KCNIP4: variants seen among roughly 807,000 people sequenced by gnomAD.
KCNIP4 encodes the protein potassium voltage-gated channel interacting protein 4, also known as Kv channel-interacting protein 4.
KCNIP4 carries 12 observed loss-of-function variants against 34.0 expected under a neutral mutation model. The observed-to-expected ratio is 0.35, with a 90% CI of 0.23 to 0.57. KCNIP4 has a LOEUF of 0.57. KCNIP4 is among the 20% of genes least tolerant of loss of function. The pLI, the probability that KCNIP4 is intolerant of heterozygous loss-of-function variation, is 0.83. For synonymous variants in KCNIP4, 124 were observed against 102.2 expected (o/e 1.21, Z -1.29); for missense variants, 238 against 311.7 (o/e 0.76, Z 1.78).
chr4:21,386,183 C>T (rs868332404), intron 1 of KCNIP4, among the ~76,000 whole-genome samples: 2 of 152,102 alleles, frequency 1.3e-5, no homozygotes, highest in African/African-American at 2.4e-5. Context: ...TGTATCCTTG[C>T]TCTTTCTTAA....
chr4:20,789,961 G>A (rs1172005092), intron 3 of KCNIP4, among the ~76,000 whole-genome samples: 1 of 152,108 alleles, frequency 6.6e-6, no homozygotes, highest in Non-Finnish European at 1.5e-5. Flanking sequence ...ACACAGTCAT[G>A]TATCACTTAA....
chr4:20,898,255 G>T (rs150673249), intron 1 of KCNIP4, among the ~76,000 whole-genome samples: 30 of 152,078 alleles, frequency 2.0e-4, no homozygotes, highest in African/African-American at 7.0e-4. Context: ...GGGACTTTTT[G>T]GTCTTCGTAA....
Position 21,423,831 on chromosome 4 carries a change from G to A in KCNIP4, c.61+524740C>T, listed in dbSNP as rs531492989. Among the ~76,000 whole-genome samples the A allele has an allele frequency of 2.4e-3, 348 of 147,176 alleles. 1 individual carries two copies. The highest frequency in any genetic ancestry group is 5.0e-3 in the African/African-American group (201 of 39,820). ...GAATTTTTTTTTTTTTTTTTGAGAC[G>A]GAGTCTCGCTCTGTCGCCCAGGCTG... On this transcript the variant is annotated intron_variant, in intron 1 of 8. Coordinates refer to ENST00000382152, the MANE Select transcript of KCNIP4 (RefSeq NM_025221.6).
intron 1 of KCNIP4, among the ~76,000 whole-genome samples, chr4:21,384,656 A>G (rs1317715044): frequency 2.0e-5 from 3 of 152,236 alleles, no homozygotes; most frequent in African/African-American, 7.2e-5. Flanking sequence ...TGAATCAGAA[A>G]GGACAGAATT....
intron 1 of KCNIP4, among the ~76,000 whole-genome samples, chr4:21,091,929 C>T (rs1186710890): frequency 2.6e-5 from 4 of 152,108 alleles, no homozygotes; most frequent in African/African-American, 9.7e-5. Flanking sequence ...GTCCATAAGA[C>T]CATGAAAAAT....
At chr4:20,924,534 C>A (rs1276325587) in intron 1 of KCNIP4, among the ~76,000 whole-genome samples, 2 of 151,984 alleles carry the variant, frequency 1.3e-5, no homozygotes, top group Non-Finnish European at 2.9e-5. Context: ...AACCTATATC[C>A]TACAATCTAG....
chr4:21,011,561 A>G (rs1482838538), intron 1 of KCNIP4, among the ~76,000 whole-genome samples: 1 of 152,222 alleles, frequency 6.6e-6, no homozygotes, highest in East Asian at 1.9e-4. Flanking sequence ...AAATTTATAG[A>G]AAATGTTCAC....
intron 1 of KCNIP4, among the ~76,000 whole-genome samples, chr4:21,044,138 C>A (rs1024315094): frequency 6.6e-6 from 1 of 152,096 alleles, no homozygotes; most frequent in Non-Finnish European, 1.5e-5. Context: ...CTGGAAGGGG[C>A]AGTTTCCAGC....
chr4:20,797,229 T>C (rs1713594627), intron 3 of KCNIP4, among the ~76,000 whole-genome samples: 1 of 152,212 alleles, frequency 6.6e-6, no homozygotes. Context: ...AGTACACAGA[T>C]ATAAGGTCAG....
chr4:21,708,639 G>C (rs572108995), intron 1 of KCNIP4, among the ~76,000 whole-genome samples: 1 of 152,168 alleles, frequency 6.6e-6, no homozygotes, highest in Non-Finnish European at 1.5e-5. Context: ...ATGTGGTCTT[G>C]GTAATGCATT....
At chr4:21,253,183 T>G (rs1273926445) in intron 1 of KCNIP4, among the ~76,000 whole-genome samples, 1 of 152,196 alleles carries the variant, frequency 6.6e-6, no homozygotes, top group Non-Finnish European at 1.5e-5. Flanking sequence ...TCTTTTCTTT[T>G]TACCTGGACA....
In KCNIP4 at chr4:20,749,868, T is replaced by C. The variant is rs892701403; in HGVS notation, c.359-136A>G. ...TAGTTTGTGCTTTCTTCACAACTGC[T>C]TACCCTCTTTCTGTAGAGGACTAGA... On this transcript the variant is annotated intron_variant, in intron 4 of 8. Coordinates refer to ENST00000382152, the MANE Select transcript of KCNIP4 (RefSeq NM_025221.6). 1.6e-5 allele frequency: 9 copies of C among 551,240 alleles called. No individual in the cohort carries two copies. The Admixed American group carries it at 2.7e-4, about 17-fold the overall frequency. 34.1% of individuals were successfully genotyped at this position (551,240 alleles called of 1,614,324 possible).
chr4:21,724,221 C>A (rs899585875), intron 1 of KCNIP4, among the ~76,000 whole-genome samples: 55 of 151,546 alleles, frequency 3.6e-4, no homozygotes, highest in Non-Finnish European at 1.3e-4. Context: ...CCCTGAGAGC[C>A]AATGAGGTAC....
intron 2 of KCNIP4, among the ~76,000 whole-genome samples, chr4:20,857,194 A>G (rs1246499293): frequency 6.6e-6 from 1 of 152,072 alleles, no homozygotes; most frequent in Non-Finnish European, 1.5e-5. Flanking sequence ...CATAACTGAA[A>G]TCATCAGCAA....
At chr4:21,642,866 G>A (rs1746712112) in intron 1 of KCNIP4, among the ~76,000 whole-genome samples, 1 of 152,112 alleles carries the variant, frequency 6.6e-6, no homozygotes, top group Non-Finnish European at 1.5e-5. Context: ...CTGAAATATA[G>A]AAGATCCTTA....
At chr4:20,947,919 T>A (rs1732363188) in intron 1 of KCNIP4, among the ~76,000 whole-genome samples, 1 of 152,196 alleles carries the variant, frequency 6.6e-6, no homozygotes, top group Non-Finnish European at 1.5e-5. Context: ...CAGTTCCAAC[T>A]CATCACTGAT....
chr4:21,766,299 A>G (rs1227331263), intron 1 of KCNIP4, among the ~76,000 whole-genome samples: 1 of 152,168 alleles, frequency 6.6e-6, no homozygotes, highest in African/African-American at 2.4e-5. Flanking sequence ...CTATCTCAAT[A>G]ATAACCCTTG....
Position 20,963,138 on chromosome 4 carries a change from T to C in KCNIP4, c.62-80429A>G, listed in dbSNP as rs145062437. 6.6e-5 allele frequency among the ~76,000 whole-genome samples: 10 copies of C among 151,516 alleles called. No individual in the cohort carries two copies. The East Asian group carries it at 1.7e-3, about 26-fold the overall frequency. On this transcript the variant is annotated intron_variant, in intron 1 of 8. Transcript: ENST00000382152. ...GGGTTCGAGACCAGCCTGGCCAATA[T>C]GATGAAACCCTGTCTTTACTAAAAA...
At chr4:21,015,909 T>G (rs973058115) in intron 1 of KCNIP4, among the ~76,000 whole-genome samples, 14 of 142,964 alleles carry the variant, frequency 9.8e-5, no homozygotes, top group African/African-American at 3.6e-4. Context: ...TATAATATGT[T>G]TAATATATAA....
Sources: allele counts gnomAD v4.1 joint callset (sites outside exome capture counted in the v4.1 genomes callset), GRCh38; gene constraint gnomAD v4.1.1; transcripts MANE v1.5; gene names NCBI Gene and HGNC (gene_info 2026-07-23, HGNC 2026-07-21).